Variants in CSMD1 observed in about 807,000 individuals in gnomAD.
CSMD1 encodes CUB and Sushi multiple domains 1.
A neutral mutation model predicts 417.5 loss-of-function variants in CSMD1; 213 were observed. That is an observed-to-expected ratio of 0.51 (90% CI 0.46 to 0.57). The LOEUF (loss-of-function observed/expected upper bound fraction) is 0.57. Ranked by LOEUF, CSMD1 falls within the 20% of genes least tolerant of loss-of-function variation. The pLI is 0.00. For synonymous variants in CSMD1, 2,862 were observed against 1,736.8 expected (o/e 1.65, Z -16.11); for missense variants, 6,923 against 4,529.7 (o/e 1.53, Z -15.17).
chr8:3,271,614 T>C (rs887683632), intron 26 of CSMD1, among the ~76,000 whole-genome samples: 7 of 152,138 alleles, frequency 4.6e-5, no homozygotes, highest in Admixed American at 1.3e-4. Flanking sequence ...TTTTAATGAT[T>C]GCCATTCCAA....
At chr8:3,456,849 C>G (rs769621562) in intron 12 of CSMD1, among the ~76,000 whole-genome samples, 6 of 152,068 alleles carry the variant, frequency 3.9e-5, no homozygotes, top group Non-Finnish European at 8.8e-5. Flanking sequence ...AGAACTGAAA[C>G]CCGAGCCCAG....
chr8:3,890,453 G>A (rs778306376), intron 5 of CSMD1, among the ~76,000 whole-genome samples: 13 of 151,946 alleles, frequency 8.6e-5, no homozygotes, highest in Non-Finnish European at 1.8e-4. Flanking sequence ...AGGAGACTGA[G>A]GATTCCAGCT....
intron 1 of CSMD1, among the ~76,000 whole-genome samples, chr8:4,755,722 T>G (rs1468698218): frequency 2.0e-5 from 3 of 152,212 alleles, no homozygotes. Context: ...CTTGCTTCCG[T>G]TTTCTGTATG....
intron 12 of CSMD1, among the ~76,000 whole-genome samples, chr8:3,465,780 G>T (rs1036683006): frequency 6.6e-6 from 1 of 152,102 alleles, no homozygotes; most frequent in African/African-American, 2.4e-5. Context: ...AATTCAAGTC[G>T]ATGTTAAAAT....
chr8:3,546,667 G>T (rs1274413752), intron 10 of CSMD1, among the ~76,000 whole-genome samples: 1 of 152,104 alleles, frequency 6.6e-6, no homozygotes, highest in African/African-American at 2.4e-5. Context: ...CTCATCAATG[G>T]GTAAAGATTG....
intron 26 of CSMD1, among the ~76,000 whole-genome samples, chr8:3,253,454 T>C (rs1207789095): frequency 6.6e-6 from 1 of 152,220 alleles, no homozygotes; most frequent in Non-Finnish European, 1.5e-5. Flanking sequence ...TCCAACTATG[T>C]GGTCAATTTT....
chr8:4,588,743 C>T (rs1410995919), intron 2 of CSMD1, among the ~76,000 whole-genome samples: 1 of 151,142 alleles, frequency 6.6e-6, no homozygotes, highest in Admixed American at 6.6e-5. Flanking sequence ...CGAGATTGCA[C>T]CACTGCACTC....
At chr8:3,984,404 G>C (rs1472780728) in intron 5 of CSMD1, among the ~76,000 whole-genome samples, 1 of 152,074 alleles carries the variant, frequency 6.6e-6, no homozygotes, top group Admixed American at 6.5e-5. Flanking sequence ...CTAAACTGGT[G>C]AGTACTTTTG....
chr8:3,299,658 G>C (rs1448983438), intron 25 of CSMD1, among the ~76,000 whole-genome samples: 1 of 152,150 alleles, frequency 6.6e-6, no homozygotes, highest in African/African-American at 2.4e-5. Context: ...AGCAGGAAAG[G>C]AATCCAGGGA....
At chr8:3,755,551 C>G (rs547019131) in intron 5 of CSMD1, among the ~76,000 whole-genome samples, 36 of 152,198 alleles carry the variant, frequency 2.4e-4, no homozygotes, top group African/African-American at 7.7e-4. Flanking sequence ...AGCGCCGCAG[C>G]TGCTTGGTAA....
intron 1 of CSMD1, among the ~76,000 whole-genome samples, chr8:4,775,536 G>T (rs1796809971): frequency 6.6e-6 from 1 of 152,108 alleles, no homozygotes; most frequent in African/African-American, 2.4e-5. Context: ...CTATCAGAAG[G>T]ACCAAGGGTA....
intron 12 of CSMD1, among the ~76,000 whole-genome samples, chr8:3,427,394 T>G (rs1019185300): frequency 2.0e-5 from 3 of 152,194 alleles, no homozygotes; most frequent in African/African-American, 7.2e-5. Context: ...TGTCTCCTAT[T>G]TAATAATAAC....
intron 3 of CSMD1, among the ~76,000 whole-genome samples, chr8:4,213,587 A>G (rs1455717526): frequency 6.6e-6 from 1 of 152,244 alleles, no homozygotes; most frequent in East Asian, 1.9e-4. Context: ...TGCAACGTGA[A>G]AGAAAAATCA....
intron 4 of CSMD1, among the ~76,000 whole-genome samples, chr8:4,017,234 ATTTT>A (rs982721391): frequency 2.0e-5 from 3 of 151,958 alleles, no homozygotes; most frequent in African/African-American, 7.3e-5. Context: ...TGTCAGCACT[ATTTT>A]TTTCACAATT....
At chr8:3,700,939 T>C (rs1800826501) in intron 7 of CSMD1, among the ~76,000 whole-genome samples, 4 of 151,814 alleles carry the variant, frequency 2.6e-5, no homozygotes, top group African/African-American at 7.3e-5. Flanking sequence ...GGTGGGACTT[T>C]GTCAGGGCAG....
At chr8:3,369,092 T>C (rs576844292) in intron 19 of CSMD1, among the ~76,000 whole-genome samples, 162 bp downstream of exon 19, 15 of 152,344 alleles carry the variant, frequency 9.8e-5, no homozygotes, top group African/African-American at 2.6e-4. Context: ...TGAAAGACTA[T>C]TGTTCTTCCA....
rs537481744 is a variant in CSMD1, at chr8:3,441,749, A to G, written c.1561+26963T>C. ...AGCAGTGCAACTGTACACAGCAGGT[A>G]ACACTTGATAATAATAAGTGACTAT... is the stretch of plus-strand genomic sequence containing the variant. On this transcript the variant is annotated intron_variant, in intron 12 of 69. Transcript: ENST00000635120. 1.1e-4 allele frequency among the ~76,000 whole-genome samples: 16 copies of G among 152,268 alleles called. No homozygotes were observed. The South Asian group carries it at 3.1e-3, about 30-fold the overall frequency.
At position 4,115,971 on chromosome 8, in the gene CSMD1, TA is replaced by T. The variant is rs1409627197; in HGVS notation, c.416-83873del. On this transcript the variant is annotated intron_variant, in intron 3 of 69. Transcript: ENST00000635120. The stretch of plus-strand genomic sequence containing the variant: ...AAAACAGGGTTTTCATTATTTTATT[TA>T]TTTATTTATTTATTTATTTATTTAT... Among the ~76,000 whole-genome samples the T allele has an allele frequency of 4.9e-4, 5 of 10,274 alleles. No homozygotes were observed. The East Asian group carries it at 0.02, about 42-fold the overall frequency. 6.7% of individuals were successfully genotyped at this position (10,274 alleles called of 152,430 possible).
intron 7 of CSMD1, among the ~76,000 whole-genome samples, chr8:3,697,670 C>A (rs934069665): frequency 6.6e-6 from 1 of 151,916 alleles, no homozygotes; most frequent in African/African-American, 2.4e-5. Context: ...TCATAATCCT[C>A]CAGAGGTTCA....
Sources: allele counts gnomAD v4.1 joint callset (sites outside exome capture counted in the v4.1 genomes callset), GRCh38; gene constraint gnomAD v4.1.1; transcripts MANE v1.5; gene names NCBI Gene and HGNC (gene_info 2026-07-23, HGNC 2026-07-21).